The following SETBP1 variants were observed in gnomAD, a reference collection of about 807,000 sequenced individuals.
SETBP1 encodes SET-binding protein.
Under a neutral mutation model 101.0 loss-of-function variants are expected in SETBP1, and 9 were observed. The observed-to-expected ratio is 0.09, with a 90% CI of 0.05 to 0.16. The LOEUF is 0.16. Ranked by LOEUF, SETBP1 falls within the 10% of genes least tolerant of loss-of-function variation. The pLI, the probability that SETBP1 is intolerant of heterozygous loss-of-function variation, is 1.00. For missense variants in SETBP1, 1,858 were observed against 2,033.8 expected, an observed-to-expected ratio of 0.91 and a Z score of 1.66; for synonymous variants, 818 against 788.5, an observed-to-expected ratio of 1.04 and a Z score of -0.63.
intron 2 of SETBP1, among the ~76,000 whole-genome samples, chr18:44,775,915 A>G (rs2070992299): frequency 1.3e-5 from 2 of 152,224 alleles, no homozygotes; most frequent in East Asian, 1.9e-4. Context: ...TTTGATCTCT[A>G]CATAAACTGT....
chr18:45,035,004 C>G (rs887748024), intron 4 of SETBP1, among the ~76,000 whole-genome samples: 1 of 150,918 alleles, frequency 6.6e-6, no homozygotes, highest in South Asian at 2.1e-4. Flanking sequence ...ATGCCCCCCC[C>G]GCCCCCAACT....
chr18:45,066,099 A>G lies in SETBP1; in HGVS notation c.*2401A>G, dbSNP rs912940422. On this transcript the variant is annotated 3_prime_UTR_variant, in exon 6 of 6. Transcript: ENST00000649279. ...TTCTTGCAGAGGAAGATGAGCTGGCACTCTGCAAACTTCTTTAATAAGGAC... is the reference window on the plus strand; with the variant it reads ...TTCTTGCAGAGGAAGATGAGCTGGCGCTCTGCAAACTTCTTTAATAAGGAC... 6.6e-6 allele frequency: 1 copy of G among 152,184 alleles called. No homozygotes were observed. Among genetic ancestry groups the G allele is most frequent in the African/African-American group, 2.4e-5 (1 of 41,436 alleles). The allele number at this position is 152,184 out of a possible 1,614,324, so 9.4% of individuals were successfully genotyped here. A position where few individuals can be genotyped will look rare whatever the true frequency, so the allele number is the denominator to read the frequency against.
intron 2 of SETBP1, among the ~76,000 whole-genome samples, chr18:44,744,779 A>AAC (rs779366053): frequency 1.5e-5 from 2 of 129,050 alleles, no homozygotes; most frequent in South Asian, 2.5e-4. Context: ...TAAAAAAAAA[A>AAC]AAACAAAAAA....
chr18:44,951,720 A>G lies in SETBP1; in HGVS notation c.2380A>G (p.Ser794Gly). ...GGSNGNLSPA[S>G]TETNFSELKT... is the part of the protein sequence containing the mutation. ...GTCCAATGGCAACCTGAGCCCTGCC[A>G]GCACTGAAACCAATTTTTCAGAGTT... Residue 794 changes from serine to glycine, a missense_variant, in exon 4 of 6, where the codon AGC (serine) becomes GGC (glycine). Transcript: ENST00000649279. The surrounding 1 kb of genome is among the most constrained non-coding windows in gnomAD (Gnocchi z 7.8). 1 of 1,614,204 alleles carries G rather than the reference A, an allele frequency of 6.2e-7. No individual in the cohort carries two copies. The highest frequency in any genetic ancestry group is 8.5e-7 in the Non-Finnish European group (1 of 1,180,040).
At chr18:44,878,242 G>A (rs1015649808) in intron 3 of SETBP1, among the ~76,000 whole-genome samples, 2 of 152,188 alleles carry the variant, frequency 1.3e-5, no homozygotes, top group South Asian at 4.1e-4. Context: ...GAGGGAGTAG[G>A]AGTAGATGAT....
chr18:44,963,232 A>G lies in SETBP1; in HGVS notation c.4000+9892A>G, dbSNP rs556243882. ...TTACCTTCCAAGTTATCCCTAAAGA[A>G]CTCTTGCCAGTGGGTTAAATAGAGG... On this transcript the variant is annotated intron_variant, in intron 4 of 5. Coordinates refer to ENST00000649279, the MANE Select transcript of SETBP1 (RefSeq NM_015559.3). Among the ~76,000 whole-genome samples, 29 of 152,202 alleles carry G rather than the reference A, an allele frequency of 1.9e-4. No individual in the cohort carries two copies. The South Asian group carries it at 5.8e-3, about 30-fold the overall frequency.
At chr18:44,867,357 C>A (rs992076426) in intron 2 of SETBP1, among the ~76,000 whole-genome samples, 1 of 152,184 alleles carries the variant, frequency 6.6e-6, no homozygotes, top group Non-Finnish European at 1.5e-5. Context: ...TGCACCTGCT[C>A]CCACCTGAAG....
intron 2 of SETBP1, among the ~76,000 whole-genome samples, chr18:44,824,093 T>C (rs1835966803): frequency 6.6e-6 from 1 of 152,202 alleles, no homozygotes; most frequent in Non-Finnish European, 1.5e-5. Flanking sequence ...ACCAGTTACC[T>C]TGACTTGAGA....
At chr18:44,775,815 C>G (rs971205417) in intron 2 of SETBP1, among the ~76,000 whole-genome samples, 1 of 151,842 alleles carries the variant, frequency 6.6e-6, no homozygotes, top group Non-Finnish European at 1.5e-5. Context: ...CCTTAAGGGC[C>G]GTCTCACTCA....
At chr18:44,699,819 G>A (rs948033511) in intron 1 of SETBP1, among the ~76,000 whole-genome samples, 4 of 152,220 alleles carry the variant, frequency 2.6e-5, no homozygotes, top group African/African-American at 4.8e-5. Flanking sequence ...TCCTCACAGG[G>A]CGTCAGCTAA....
intron 2 of SETBP1, among the ~76,000 whole-genome samples, chr18:44,861,548 C>T (rs1285458187): frequency 1.3e-5 from 2 of 152,016 alleles, no homozygotes; most frequent in Non-Finnish European, 2.9e-5. Flanking sequence ...CATGGACAAC[C>T]TGATAGAGCT....
chr18:44,894,429 G>T (rs2069845299), intron 3 of SETBP1, among the ~76,000 whole-genome samples: 1 of 151,568 alleles, frequency 6.6e-6, no homozygotes, highest in Non-Finnish European at 1.5e-5. Flanking sequence ...ATGTAGCAAT[G>T]TCCTTAATTG....
At chr18:44,904,382 C>T (rs187987948) in intron 3 of SETBP1, among the ~76,000 whole-genome samples, 22 of 152,270 alleles carry the variant, frequency 1.4e-4, no homozygotes, top group African/African-American at 5.3e-4. Context: ...TATGTCACCT[C>T]TGTTCATTTT....
chr18:44,692,351 G>C (rs1186304261), intron 1 of SETBP1, among the ~76,000 whole-genome samples: 1 of 152,196 alleles, frequency 6.6e-6, no homozygotes, highest in Non-Finnish European at 1.5e-5. Flanking sequence ...GACTTGAAAA[G>C]ATTAAAAATG....
intron 2 of SETBP1, among the ~76,000 whole-genome samples, chr18:44,819,645 G>A (rs2072061972): frequency 6.6e-6 from 1 of 152,106 alleles, no homozygotes; most frequent in Admixed American, 6.5e-5. Context: ...CAGGCCCTGT[G>A]ACTGCATATT....
At position 44,949,924 on chromosome 18, in the gene SETBP1, C is replaced by A. The variant is rs755852977; in HGVS notation, c.584C>A (p.Thr195Lys). ...PQKHSTLHYD[T>K]GLPQDFTGDT... is the part of the protein sequence containing the mutation. ...AAACATTCAACTCTCCATTATGACA[C>A]GGGCCTCCCACAGGACTTCACCGGT... The change falls in exon 4 of 6, where the codon ACG becomes AAG. Residue 195 changes from threonine (T) to lysine (K), a missense_variant. Transcript: ENST00000649279. 3.1e-6 allele frequency: 5 copies of A among 1,613,960 alleles called. No homozygotes were observed. In the South Asian group the frequency reaches 5.5e-5, roughly 18 times the overall value.
At chr18:44,980,116 A>G (rs988603622) in intron 4 of SETBP1, among the ~76,000 whole-genome samples, 1 of 152,214 alleles carries the variant, frequency 6.6e-6, no homozygotes, top group East Asian at 1.9e-4. Flanking sequence ...CCAGGAGCCT[A>G]TAATATGATC....
chr18:44,912,697 G>A (rs1036565214), intron 3 of SETBP1, among the ~76,000 whole-genome samples: 7 of 152,070 alleles, frequency 4.6e-5, no homozygotes, highest in African/African-American at 1.2e-4. Context: ...GATTACAGGC[G>A]TGAGCCACCG....
chr18:44,885,071 C>A (rs2069609608), intron 3 of SETBP1, among the ~76,000 whole-genome samples: 3 of 152,100 alleles, frequency 2.0e-5, no homozygotes, highest in South Asian at 4.1e-4. Flanking sequence ...GGGACCTTGT[C>A]ACTTTGAGCT....
Sources: allele counts gnomAD v4.1 joint callset (sites outside exome capture counted in the v4.1 genomes callset), GRCh38; gene constraint gnomAD v4.1.1; non-coding constraint Gnocchi (gnomAD v3.1); transcripts MANE v1.5; gene names NCBI Gene and HGNC (gene_info 2026-07-23, HGNC 2026-07-21).